Variants in PHKA1 observed in about 807,000 individuals in gnomAD.
PHKA1 encodes phosphorylase b kinase regulatory subunit alpha, skeletal muscle isoform.
PHKA1 carries 60 observed loss-of-function variants against 110.2 expected under a neutral mutation model. The observed-to-expected ratio is 0.54, with a 90% CI of 0.44 to 0.68. The LOEUF is 0.68. Among genes scored for constraint, PHKA1 ranks in the 30% least tolerant of loss-of-function variants. The pLI is 0.00. For synonymous variants in PHKA1, 316 were observed against 333.6 expected (o/e 0.95, Z 0.58); for missense variants, 801 against 942.5 (o/e 0.85, Z 1.97).
At position 72,705,678 on chromosome X, in the gene PHKA1, T is replaced by C. The variant is rs1406072516; in HGVS notation, c.238-433A>G. Among the ~76,000 whole-genome samples the C allele has an allele frequency of 4.4e-5, 5 of 112,376 alleles. No homozygotes were observed. In the South Asian group the frequency reaches 1.8e-3, roughly 41 times the overall value. On this transcript the variant is annotated intron_variant, in intron 2 of 31. Transcript: ENST00000373542. ...TCAAGAGTCCACAGAAATATTTATC[T>C]GGACATGTCCTCTAAAGAATAAAGT...
At chrX:72,620,456 G>C (rs2052960126) in intron 19 of PHKA1, among the ~76,000 whole-genome samples, 1 of 111,997 alleles carries the variant, frequency 8.9e-6, no homozygotes, top group African/African-American at 3.2e-5. Flanking sequence ...TGTTATAGTT[G>C]AATATGCTCC....
chrX:72,703,801 T>C (rs1409767835), intron 3 of PHKA1, among the ~76,000 whole-genome samples: 1 of 112,450 alleles, frequency 8.9e-6, no homozygotes, highest in Non-Finnish European at 1.9e-5. Context: ...CCTTCTACTA[T>C]AGACTTCTGT....
At chrX:72,612,155 A>G (rs2052820297) in intron 21 of PHKA1, among the ~76,000 whole-genome samples, 1 of 112,448 alleles carries the variant, frequency 8.9e-6, no homozygotes, top group South Asian at 3.7e-4. Flanking sequence ...AAAAGAATGA[A>G]GTACTGATAC....
At chrX:72,628,119 G>A (rs1028804785) in intron 16 of PHKA1, among the ~76,000 whole-genome samples, 13 of 110,527 alleles carry the variant, frequency 1.2e-4, no homozygotes, top group Middle Eastern at 4.6e-3. Context: ...GTGAGCCACC[G>A]CGCCAGGCCT....
chrX:72,603,428 G>A (rs1482324307), intron 25 of PHKA1, among the ~76,000 whole-genome samples: 1 of 111,746 alleles, frequency 8.9e-6, no homozygotes, highest in Non-Finnish European at 1.9e-5. Context: ...TCCAGTTTGT[G>A]GATTAGCGAG....
intron 29 of PHKA1, among the ~76,000 whole-genome samples, chrX:72,588,126 T>C (rs1453244364): frequency 8.9e-6 from 1 of 112,205 alleles, no homozygotes. Flanking sequence ...CAACGGAATA[T>C]ACATTCTTGT....
chrX:72,706,021 T>A (rs2054278929), intron 2 of PHKA1, among the ~76,000 whole-genome samples: 1 of 111,961 alleles, frequency 8.9e-6, no homozygotes, highest in Non-Finnish European at 1.9e-5. Context: ...ACCAGGTTAC[T>A]CCAGGGTATG....
At chrX:72,638,771 T>C (rs868983623) in intron 14 of PHKA1, among the ~76,000 whole-genome samples, 48 of 112,019 alleles carry the variant, frequency 4.3e-4, no homozygotes, top group African/African-American at 1.5e-3. Context: ...TCACAGCCCC[T>C]TCCACATAGG....
intron 19 of PHKA1, among the ~76,000 whole-genome samples, chrX:72,619,587 C>T (rs1350611954): frequency 3.6e-5 from 4 of 112,084 alleles, no homozygotes; most frequent in East Asian, 2.8e-4. Context: ...CACGATGGTG[C>T]GTTCACTGAT....
chrX:72,607,215 T>A (rs1349688594), intron 23 of PHKA1, among the ~76,000 whole-genome samples: 5 of 112,018 alleles, frequency 4.5e-5, no homozygotes, highest in African/African-American at 1.6e-4. Context: ...ATATACCGAT[T>A]TCCTTTCTTT....
intron 8 of PHKA1, among the ~76,000 whole-genome samples, chrX:72,658,198 G>A (rs1487616206): frequency 9.0e-6 from 1 of 111,638 alleles, no homozygotes; most frequent in African/African-American, 3.3e-5. Flanking sequence ...AGTGGCTCAT[G>A]CCTGTAACCC....
intron 2 of PHKA1, among the ~76,000 whole-genome samples, chrX:72,711,300 A>C (rs1176490665): frequency 8.9e-6 from 1 of 112,338 alleles, no homozygotes; most frequent in African/African-American, 3.2e-5. Context: ...ATTAATTTCT[A>C]GTAAAAATAG....
At chrX:72,648,374 T>G (rs940606260) in intron 13 of PHKA1, among the ~76,000 whole-genome samples, 5 of 111,139 alleles carry the variant, frequency 4.5e-5, no homozygotes, top group African/African-American at 1.3e-4. Flanking sequence ...CAGAATATTG[T>G]CAGGCATGAA....
chrX:72,657,130 A>G (rs2053506055), intron 9 of PHKA1, among the ~76,000 whole-genome samples: 2 of 112,112 alleles, frequency 1.8e-5, no homozygotes, highest in Non-Finnish European at 3.8e-5. Flanking sequence ...GACTAGTTGA[A>G]TAAAGGGAAC....
chrX:72,622,125 CA>C, intron 18 of PHKA1: 1 of 752,020 alleles, frequency 1.3e-6, no homozygotes, highest in African/African-American at 2.3e-5. Flanking sequence ...ACTTTTCCAA[CA>C]AAGAAATTCA....
chrX:72,687,480 AT>A, intron 4 of PHKA1, among the ~76,000 whole-genome samples: 2 of 111,395 alleles, frequency 1.8e-5, no homozygotes, highest in Non-Finnish European at 3.8e-5. Context: ...AATGCCACAT[AT>A]TTCTACCACT....
chrX:72,581,290 G>A (rs1165345636), intron 31 of PHKA1, 115 bp from the exon 32 acceptor site: 2 of 523,100 alleles, frequency 3.8e-6, no homozygotes, highest in Non-Finnish European at 6.9e-6. Context: ...AATTAGTTGG[G>A]CCCTAGACTG....
Position 72,605,631 on chromosome X carries a change from G to T in PHKA1, c.2607-12C>A. ...CATAGGGCAGAGGTCTAAGGAAAAA[G>T]ACAGCAAAGAAAGACAATATTCTAC... On this transcript the variant is annotated splice_polypyrimidine_tract_variant and intron_variant, in intron 23 of 31. Transcript: ENST00000373542. 1 of 1,158,648 alleles carries T rather than the reference G, an allele frequency of 8.6e-7. No individual in the cohort carries two copies. Among genetic ancestry groups the T allele is most frequent in the South Asian group, 1.8e-5 (1 of 55,476 alleles).
intron 11 of PHKA1, among the ~76,000 whole-genome samples, chrX:72,653,144 T>G (rs2053450189): frequency 9.0e-6 from 1 of 111,601 alleles, no homozygotes; most frequent in African/African-American, 3.3e-5. Flanking sequence ...TACCAAATCT[T>G]GAGAGTCCAC....
Sources: allele counts gnomAD v4.1 joint callset (sites outside exome capture counted in the v4.1 genomes callset), GRCh38; gene constraint gnomAD v4.1.1; transcripts MANE v1.5; gene names NCBI Gene and HGNC (gene_info 2026-07-23, HGNC 2026-07-21).